The following COL14A1 variants were observed in gnomAD, a reference collection of about 807,000 sequenced individuals.
The protein encoded by COL14A1 is collagen alpha-1(XIV) chain.
A neutral mutation model predicts 230.3 loss-of-function variants in COL14A1; 136 were observed. The ratio of observed to expected loss-of-function variants is 0.59; its 90% CI spans 0.51 to 0.68. The LOEUF (loss-of-function observed/expected upper bound fraction) is 0.68, where lower values mean the gene tolerates loss of function less well. Among genes scored for constraint, COL14A1 ranks in the 30% least tolerant of loss-of-function variants. COL14A1 has a pLI of 0.00. For missense variants in COL14A1, 1,976 were observed against 2,215.8 expected (o/e 0.89, Z 2.17); for synonymous variants, 792 against 784.1 (o/e 1.01, Z -0.17).
At chr8:120,169,245 C>G (rs1031241178) in intron 5 of COL14A1, among the ~76,000 whole-genome samples, 1 of 152,078 alleles carries the variant, frequency 6.6e-6, no homozygotes, top group African/African-American at 2.4e-5. Flanking sequence ...TGTGGAACTG[C>G]AAGGTTAAAG....
chr8:120,226,436 T>A (rs1240400029), intron 15 of COL14A1, among the ~76,000 whole-genome samples, 191 bp from the exon 16 acceptor site: 1 of 152,204 alleles, frequency 6.6e-6, no homozygotes, highest in African/African-American at 2.4e-5. Flanking sequence ...CCCTAATTTA[T>A]GATATTGGTG....
At chr8:120,213,228 T>G (rs1817661306) in intron 13 of COL14A1, among the ~76,000 whole-genome samples, 1 of 152,180 alleles carries the variant, frequency 6.6e-6, no homozygotes, top group African/African-American at 2.4e-5. Flanking sequence ...TATGCATTTA[T>G]TTTTAAAAAT....
intron 14 of COL14A1, among the ~76,000 whole-genome samples, chr8:120,223,679 A>G (rs1010575894): frequency 6.6e-6 from 1 of 152,152 alleles, no homozygotes; most frequent in Non-Finnish European, 1.5e-5. Flanking sequence ...TCCAAAAAAC[A>G]ACAACAAAAA....
intron 19 of COL14A1, among the ~76,000 whole-genome samples, chr8:120,235,744 G>A (rs1818424056): frequency 6.6e-6 from 1 of 152,114 alleles, no homozygotes; most frequent in East Asian, 1.9e-4. Flanking sequence ...GCTTTCTCCT[G>A]TGGGCATTTA....
chr8:120,170,394 T>C lies in COL14A1; in HGVS notation c.436+2147T>C, dbSNP rs533588213. 3.3e-5 allele frequency among the ~76,000 whole-genome samples: 5 copies of C among 152,206 alleles called. No individual in the cohort carries two copies. In the South Asian group the frequency reaches 1.0e-3, roughly 32 times the overall value. ...TCTACATTTCACTAGGTTTTCTTCC[T>C]TGATCCATGAGTTACTTAGAAATAT... On this transcript the variant is annotated intron_variant, in intron 5 of 47. Coordinates refer to ENST00000297848, the MANE Select transcript of COL14A1 (RefSeq NM_021110.4).
At chr8:120,198,481 G>A (rs886357489) in intron 7 of COL14A1, among the ~76,000 whole-genome samples, 2 of 151,896 alleles carry the variant, frequency 1.3e-5, no homozygotes, top group Non-Finnish European at 2.9e-5. Context: ...AATCACAAGG[G>A]GTTTGTAAAA....
At chr8:120,216,603 T>A in intron 14 of COL14A1, 113 bp downstream of exon 14, 1 of 1,099,068 alleles carries the variant, frequency 9.1e-7, no homozygotes, top group Non-Finnish European at 1.3e-6. Flanking sequence ...AATTATTTAT[T>A]GTCTCGCATA....
At chr8:120,178,951 G>A (rs1480765080) in intron 5 of COL14A1, among the ~76,000 whole-genome samples, 1 of 150,884 alleles carries the variant, frequency 6.6e-6, no homozygotes, top group African/African-American at 2.4e-5. Flanking sequence ...TAAGTTCCTT[G>A]TAGATTCTGG....
chr8:120,268,350 A>C (rs1444251835), intron 25 of COL14A1, among the ~76,000 whole-genome samples: 3 of 151,660 alleles, frequency 2.0e-5, no homozygotes, highest in African/African-American at 7.2e-5. Context: ...CTAATTGATA[A>C]ATTTACTAAT....
intron 40 of COL14A1, among the ~76,000 whole-genome samples, chr8:120,316,424 T>C (rs1443194388): frequency 6.6e-6 from 1 of 152,208 alleles, no homozygotes; most frequent in Non-Finnish European, 1.5e-5. Flanking sequence ...CATTCAATTA[T>C]TGGTTCTTCT....
chr8:120,159,591 C>T (rs2130529113), intron 3 of COL14A1, among the ~76,000 whole-genome samples: 1 of 152,222 alleles, frequency 6.6e-6, no homozygotes, highest in East Asian at 1.9e-4. Flanking sequence ...ATGTGGACGT[C>T]TTACTCAACA....
At chr8:120,268,465 T>C (rs983053766) in intron 25 of COL14A1, among the ~76,000 whole-genome samples, 5 of 151,712 alleles carry the variant, frequency 3.3e-5, no homozygotes, top group African/African-American at 7.2e-5. Flanking sequence ...TAAACATTCA[T>C]GAATGCTTAT....
intron 1 of COL14A1, among the ~76,000 whole-genome samples, chr8:120,143,824 T>G (rs897872482): frequency 6.6e-6 from 1 of 151,978 alleles, no homozygotes; most frequent in Non-Finnish European, 1.5e-5. Flanking sequence ...GAAATGGTAA[T>G]AGTATGGAGA....
At chr8:120,301,708 G>A (rs1820715636) in intron 36 of COL14A1, among the ~76,000 whole-genome samples, 1 of 152,062 alleles carries the variant, frequency 6.6e-6, no homozygotes, top group South Asian at 2.1e-4. Context: ...ATATTCCTTT[G>A]GGTATATACG....
chr8:120,131,397 G>A (rs1429491787), intron 1 of COL14A1, among the ~76,000 whole-genome samples: 1 of 149,244 alleles, frequency 6.7e-6, no homozygotes, highest in African/African-American at 2.5e-5. Flanking sequence ...TTTAATGATA[G>A]CCATTCTGAT....
intron 40 of COL14A1, among the ~76,000 whole-genome samples, chr8:120,325,815 A>G (rs981555144): frequency 2.0e-5 from 3 of 152,038 alleles, no homozygotes; most frequent in Admixed American, 6.6e-5. Context: ...TTATATGAGG[A>G]TGCTTAATCT....
intron 8 of COL14A1, among the ~76,000 whole-genome samples, chr8:120,202,989 AATATATATATATATAT>A (rs201356550): frequency 1.9e-4 from 20 of 106,538 alleles, no homozygotes; most frequent in African/African-American, 3.2e-4. Context: ...AATAATTTCA[AATATATATATATATAT>A]ATATATATAT....
chr8:120,199,625 C>CGCTGTGAAATTGTTTTAGGT, intron 8 of COL14A1, 59 bp downstream of exon 8: 1 of 1,520,196 alleles, frequency 6.6e-7, no homozygotes, highest in Non-Finnish European at 8.9e-7. Flanking sequence ...CCACTTAAAA[C>CGCTGTGAAATTGTTTTAGGT]AATATGTAAT....
rs866445641 is a variant in COL14A1 at position 120,373,249 on chromosome 8, A to G, written c.*2018A>G. On this transcript the variant is annotated 3_prime_UTR_variant, in exon 48 of 48. Coordinates refer to ENST00000297848, the MANE Select transcript of COL14A1 (RefSeq NM_021110.4). ...TGAGAGATTCTAATCCATTCACATCATTCTTGAGTTGTGCAAATACACTTG... is the reference window on the plus strand; with the variant it reads ...TGAGAGATTCTAATCCATTCACATCGTTCTTGAGTTGTGCAAATACACTTG... Among the ~76,000 whole-genome samples the G allele has an allele frequency of 6.6e-6, 1 of 152,210 alleles. No homozygotes were observed. Among genetic ancestry groups the G allele is most frequent in the Non-Finnish European group, 1.5e-5 (1 of 68,042 alleles).
Sources: gnomAD v4.1 joint callset for allele counts (sites outside exome capture counted in the v4.1 genomes callset) on GRCh38, gnomAD v4.1.1 for gene constraint, MANE v1.5 for transcripts, NCBI Gene and HGNC (gene_info 2026-07-23, HGNC 2026-07-21) for gene names.